ARHGEF1: variants seen among roughly 807,000 people sequenced by gnomAD.
The protein encoded by ARHGEF1 is Rho guanine nucleotide exchange factor 1, also known as 115 kDa guanine nucleotide exchange factor.
Under a neutral mutation model 119.7 loss-of-function variants are expected in ARHGEF1, and 40 were observed. That is an observed-to-expected ratio of 0.33 (90% CI 0.26 to 0.44). The LOEUF (loss-of-function observed/expected upper bound fraction) is 0.44, where lower values mean the gene tolerates loss of function less well. ARHGEF1 is among the 20% of genes least tolerant of loss of function. ARHGEF1 has a pLI of 1.00. For synonymous variants in ARHGEF1, 494 were observed against 521.0 expected (o/e 0.95, Z 0.71); for missense variants, 976 against 1,268.3 (o/e 0.77, Z 3.50).
chr19:41,898,149 G>A, intron 13 of ARHGEF1: 23 of 1,400,378 alleles, frequency 1.6e-5, no homozygotes, highest in Admixed American at 6.7e-5. Context: ...ATCCACTAAG[G>A]CAGCCTGGAG....
chr19:41,886,969 CAGAG>C (rs1400844462), intron 1 of ARHGEF1, among the ~76,000 whole-genome samples: 8 of 152,082 alleles, frequency 5.3e-5, no homozygotes, highest in Non-Finnish European at 7.4e-5. Flanking sequence ...TGGAAAGACT[CAGAG>C]AGAAGTGGAG....
intron 11 of ARHGEF1, 138 bp from the exon 12 acceptor site, chr19:41,895,211 G>A: frequency 8.6e-7 from 1 of 1,157,140 alleles, no homozygotes; most frequent in Admixed American, 2.3e-5. Context: ...GGGGTTGAGG[G>A]CTCCTGGGTC....
intron 18 of ARHGEF1, among the ~76,000 whole-genome samples, chr19:41,914,966 C>CTGTCTA (rs141566156): frequency 2.4e-5 from 2 of 82,652 alleles, no homozygotes; most frequent in Non-Finnish European, 2.0e-5. Flanking sequence ...ATCTCTGTCT[C>CTGTCTA]TCCCTCCCTC....
In ARHGEF1 at chr19:41,892,549, C is replaced by A; in HGVS notation, c.368-54C>A. ...TTGGAGTCCAAGGGTGGGTGGGGAC[C>A]GTGGTCCAAGCCACCAGGGAGCTGG... On this transcript the variant is annotated intron_variant, in intron 6 of 28. Transcript: ENST00000354532. This position sits in a 1 kb window ranked among gnomAD's most constrained non-coding sequence, Gnocchi z 6.3. The A allele has an allele frequency of 6.4e-7, 1 of 1,563,976 alleles. No homozygotes were observed. Among genetic ancestry groups the A allele is most frequent in the South Asian group, 1.2e-5 (1 of 83,666 alleles).
chr19:41,904,273 G>A lies in ARHGEF1; in HGVS notation c.2051G>A (p.Arg684Gln). The change falls in exon 22 of 29, where the codon CGG (arginine) becomes CAG (glutamine). Residue 684 changes from arginine to glutamine, a missense_variant. Around this residue, in one of 3 missense-constraint regions of ARHGEF1, gnomAD observed 286 missense variants for 506.8 expected, o/e 0.56. Transcript: ENST00000354532. The surrounding 1 kb of genome is among the most constrained non-coding windows in gnomAD (Gnocchi z 8.4). ...LLLLLQRQDE[R>Q]LLLKSHSRTL... The stretch of plus-strand genomic sequence containing the variant: ...CTGCTGCTCCAGCGCCAGGACGAGC[G>A]GCTGCTGCTCAAGTCCCATAGCCGG... 1 of 1,612,824 alleles carries A rather than the reference G, an allele frequency of 6.2e-7. No individual in the cohort carries two copies. Among genetic ancestry groups the A allele is most frequent in the Non-Finnish European group, 8.5e-7 (1 of 1,179,800 alleles).
At chr19:41,923,366 T>G (rs2074852737) in intron 1 of ARHGEF1, 2 of 344,408 alleles carry the variant, frequency 5.8e-6, no homozygotes, top group African/African-American at 2.2e-5. Context: ...TGAGAGAGAG[T>G]CAGAGAGCTG....
chr19:41,920,423 A>ACTCACAGACATGACACG (rs1400162851), upstream of ARHGEF1, among the ~76,000 whole-genome samples: 2 of 133,330 alleles, frequency 1.5e-5, no homozygotes, highest in Non-Finnish European at 3.2e-5. Flanking sequence ...GACATGACAC[A>ACTCACAGACATGACACG]CTCACAGACA....
Position 41,901,897 on chromosome 19 carries a change from G to T in ARHGEF1, c.1278G>T (p.Val426=). 1 of 1,610,560 alleles carries T rather than the reference G, an allele frequency of 6.2e-7. No homozygotes were observed. Residue 426 remains valine, a synonymous_variant, in exon 15 of 29, where the codon GTG becomes GTT. Transcript: ENST00000354532. ...KRQEVISELL[V]TEAAHVRMLR... Reference sequence around the variant, plus strand: ...TTGGTGGCCCTGCAGAGCTGCTGGTGACAGAGGCGGCCCACGTGCGCATGC... The same window carrying T: ...TTGGTGGCCCTGCAGAGCTGCTGGTTACAGAGGCGGCCCACGTGCGCATGC...
At position 41,906,516 on chromosome 19, in the gene ARHGEF1, C is replaced by G. The variant is rs1455377545; in HGVS notation, c.2551C>G (p.Arg851Gly). 6.9e-6 allele frequency: 11 copies of G among 1,583,054 alleles called. No individual in the cohort carries two copies. The highest frequency in any genetic ancestry group is 1.7e-4 in the Middle Eastern group (1 of 5,916). The change falls in exon 27 of 29, where the codon CGA becomes GGA. Residue 851 changes from arginine to glycine, a missense_variant. Arg to Gly is a moderately radical substitution (Grantham distance 125). This residue lies in a region of ARHGEF1 where 171 missense variants were observed against 180.6 expected (regional missense o/e 0.95). Transcript: ENST00000354532. This position sits in a 1 kb window ranked among gnomAD's most constrained non-coding sequence, Gnocchi z 4.5. ...GGAAGACAATGGGGCGGGGCCTCCTCGAGATGGGGATGGGGTCCCAGGGGG... is the reference window on the plus strand; with the variant it reads ...GGAAGACAATGGGGCGGGGCCTCCTGGAGATGGGGATGGGGTCCCAGGGGG... Reference protein sequence around the residue: ...AEEDNGAGPPRDGDGVPGGGP... With the variant: ...AEEDNGAGPPGDGDGVPGGGP...
chr19:41,892,680 G>T lies in ARHGEF1; in HGVS notation c.445G>T (p.Ala149Ser). The change falls in exon 7 of 29, where the codon GCC becomes TCC. Residue 149 changes from alanine to serine, a missense_variant. Physicochemically the swap from Ala to Ser is moderately conservative, Grantham distance 99. Around this residue, in one of 3 missense-constraint regions of ARHGEF1, gnomAD observed 519 missense variants for 580.9 expected, o/e 0.89. Transcript: ENST00000354532. This position sits in a 1 kb window ranked among gnomAD's most constrained non-coding sequence, Gnocchi z 6.3. ...VQEVVQSQQV[A>S]VGRQLEDFRS... ...GGAGGTGGTGCAAAGCCAGCAGGTA[G>T]CCGTGGGCCGGCAGCTGGAGGACTT... 6.2e-7 allele frequency: 1 copy of T among 1,613,726 alleles called. No homozygotes were observed. Among genetic ancestry groups the T allele is most frequent in the Non-Finnish European group, 8.5e-7 (1 of 1,179,888 alleles).
chr19:41,901,053 T>C (rs1446214339), intron 14 of ARHGEF1: 1 of 151,874 alleles, frequency 6.6e-6, no homozygotes, highest in Non-Finnish European at 1.5e-5. Flanking sequence ...CCTCCCAAAT[T>C]GCTGGGATTA....
Position 41,917,235 on chromosome 19 carries a change from GTC to G in ARHGEF1, c.1866-5853_1866-5852del, listed in dbSNP as rs1250532517. 3.3e-5 allele frequency among the ~76,000 whole-genome samples: 5 copies of G among 151,996 alleles called. No individual in the cohort carries two copies. The highest frequency in any genetic ancestry group is 5.9e-5 in the Non-Finnish European group (4 of 67,988). On this transcript the variant is annotated intron_variant, in intron 18 of 20. Coordinates refer to the ARHGEF1 transcript ENST00000599589. The surrounding 1 kb of genome is among the most constrained non-coding windows in gnomAD (Gnocchi z 4.8). ...TTTCTAAATATCTCCATCTCTGAGTGTCTCTGTTTCCCCCATCTCTCTCTCTG... is the reference window on the plus strand; with the variant it reads ...TTTCTAAATATCTCCATCTCTGAGTGTCTGTTTCCCCCATCTCTCTCTCTG...
At chr19:41,929,334 C>T (rs1599684490) in intron 2 of ARHGEF1, among the ~76,000 whole-genome samples, 2 of 152,222 alleles carry the variant, frequency 1.3e-5, no homozygotes, top group East Asian at 1.9e-4. Flanking sequence ...CCAGGGCTGG[C>T]ACACTGACAC....
intron 14 of ARHGEF1, among the ~76,000 whole-genome samples, chr19:41,898,875 T>C (rs1042081712): frequency 1.3e-5 from 2 of 152,258 alleles, no homozygotes; most frequent in Non-Finnish European, 2.9e-5. Flanking sequence ...ATTTCCTTGC[T>C]TGTGAAATGT....
chr19:41,918,394 A>G (rs1403961527), upstream of ARHGEF1, among the ~76,000 whole-genome samples: 1 of 147,784 alleles, frequency 6.8e-6, no homozygotes, highest in Non-Finnish European at 1.5e-5. Context: ...CACCACATAC[A>G]CATACCATAT....
downstream of ARHGEF1, chr19:41,907,494 C>A: frequency 7.8e-7 from 1 of 1,284,780 alleles, no homozygotes; most frequent in South Asian, 1.5e-5. Flanking sequence ...GGCATGGCGT[C>A]TGGAACTCTC....
In ARHGEF1 at chr19:41,917,647, C is replaced by G. The variant is rs932621610; in HGVS notation, c.1866-5445C>G. ...TGCACACACCATGCCCCAAAGCACACGCACGCACGCACACACACACCCTGA... is the reference window on the plus strand; with the variant it reads ...TGCACACACCATGCCCCAAAGCACAGGCACGCACGCACACACACACCCTGA... On this transcript the variant is annotated intron_variant, in intron 18 of 20. Coordinates refer to the ARHGEF1 transcript ENST00000599589. This position sits in a 1 kb window ranked among gnomAD's most constrained non-coding sequence, Gnocchi z 4.8. Among the ~76,000 whole-genome samples the G allele has an allele frequency of 5.6e-5, 8 of 142,814 alleles. No individual in the cohort carries two copies. Among genetic ancestry groups the G allele is most frequent in the Non-Finnish European group, 8.1e-5 (5 of 62,082 alleles). 93.7% of individuals were successfully genotyped at this position (142,814 alleles called of 152,430 possible).
At chr19:41,896,799 CT>C in intron 13 of ARHGEF1, 1 of 457,924 alleles carries the variant, frequency 2.2e-6, no homozygotes, top group South Asian at 1.6e-5. Context: ...CCCCTCCTCT[CT>C]CACCTCCCCT....
chr19:41,896,333 G>A (rs1232238408), intron 12 of ARHGEF1, 44 bp from the exon 13 acceptor site: 2 of 1,166,906 alleles, frequency 1.7e-6, no homozygotes, highest in Non-Finnish European at 2.3e-6. Context: ...GGGTCTCGTG[G>A]CCGCAGAGGC....
Sources: gnomAD v4.1 joint callset for allele counts (sites outside exome capture counted in the v4.1 genomes callset) on GRCh38, gnomAD v4.1.1 for gene constraint, gnomAD v4.1.1 regional missense constraint, Gnocchi (gnomAD v3.1) non-coding constraint, MANE v1.5 for transcripts, NCBI Gene and HGNC (gene_info 2026-07-23, HGNC 2026-07-21) for gene names.